The following GTF2E2 variants were observed in gnomAD, a reference collection of about 807,000 sequenced individuals.
GTF2E2 encodes transcription initiation factor IIE subunit beta.
A neutral mutation model predicts 40.5 loss-of-function variants in GTF2E2; 21 were observed. The observed-to-expected ratio is 0.52, with a 90% confidence interval of 0.37 to 0.75. GTF2E2 has a LOEUF of 0.75. Among genes scored for constraint, GTF2E2 ranks in the 30% least tolerant of loss-of-function variants. The probability of loss-of-function intolerance (pLI) is 0.00; values close to 1 mark genes in which losing one functional copy is unlikely to be tolerated. For missense variants in GTF2E2, 298 were observed against 338.4 expected, an observed-to-expected ratio of 0.88 and a Z score of 0.94; for synonymous variants, 117 against 121.6, an observed-to-expected ratio of 0.96 and a Z score of 0.25.
intron 6 of GTF2E2, among the ~76,000 whole-genome samples, chr8:30,599,743 G>C (rs1829120015): frequency 6.6e-6 from 1 of 152,046 alleles, no homozygotes; most frequent in African/African-American, 2.4e-5. Flanking sequence ...CCAGTACTTT[G>C]GGAGGCCAAG....
intron 6 of GTF2E2, chr8:30,597,052 C>T (rs969334617): frequency 6.6e-6 from 1 of 152,386 alleles, no homozygotes; most frequent in Admixed American, 6.5e-5. Flanking sequence ...CAGTCCACAG[C>T]TGTTAGCCTC....
chr8:30,607,616 T>C (rs1260833082), intron 5 of GTF2E2, among the ~76,000 whole-genome samples: 2 of 152,212 alleles, frequency 1.3e-5, no homozygotes, highest in Non-Finnish European at 2.9e-5. Context: ...CTTGAGTAGT[T>C]CAATTTTTTA....
intron 6 of GTF2E2, among the ~76,000 whole-genome samples, chr8:30,594,457 C>T (rs1447199417): frequency 6.6e-6 from 1 of 151,302 alleles, no homozygotes; most frequent in East Asian, 2.0e-4. Context: ...AGGGTTTCAC[C>T]ATGTTGGTCA....
chr8:30,645,471 C>T lies in GTF2E2; in HGVS notation c.166+7962G>A, dbSNP rs934491983. 18 of 1,535,510 alleles carry T rather than the reference C, an allele frequency of 1.2e-5. No homozygotes were observed. The Admixed American group carries it at 1.8e-4, about 15-fold the overall frequency. On this transcript the variant is annotated intron_variant, in intron 2 of 7. Coordinates refer to ENST00000355904, the MANE Select transcript of GTF2E2 (RefSeq NM_002095.6). The stretch of plus-strand genomic sequence containing the variant: ...TGGTATCTTTAGTGGTGCTGGCTTT[C>T]CTTTATGAAGTGCTTGACTGCTGCT...
At chr8:30,612,813 C>G (rs537620367) in intron 4 of GTF2E2, among the ~76,000 whole-genome samples, 12 of 152,312 alleles carry the variant, frequency 7.9e-5, no homozygotes, top group Admixed American at 6.5e-4. Flanking sequence ...TCCCAAAGTA[C>G]TGGGATTATA....
intron 2 of GTF2E2, chr8:30,645,446 T>C: frequency 6.5e-7 from 1 of 1,535,654 alleles, no homozygotes. Context: ...ATATTTACAG[T>C]GGTATCTTTA....
chr8:30,611,177 G>C (rs139406643), intron 5 of GTF2E2, among the ~76,000 whole-genome samples: 272 of 152,266 alleles, frequency 1.8e-3, no homozygotes, highest in African/African-American at 6.3e-3. Flanking sequence ...GGCAGACAAG[G>C]TTTGGAGTAA....
At chr8:30,657,893 G>A (rs968314057) in intron 1 of GTF2E2, 80 bp downstream of exon 1, 3 of 152,296 alleles carry the variant, frequency 2.0e-5, no homozygotes, top group African/African-American at 7.2e-5. Flanking sequence ...TCAGCCTCCC[G>A]GGAGGCGGCG....
At chr8:30,624,219 T>C (rs904677165) in intron 3 of GTF2E2, among the ~76,000 whole-genome samples, 7 of 152,304 alleles carry the variant, frequency 4.6e-5, no homozygotes, top group Middle Eastern at 3.4e-3. Flanking sequence ...CAGTTTCAGC[T>C]TTCTACATAT....
chr8:30,637,357 A>C (rs762749460), intron 2 of GTF2E2: 1 of 451,598 alleles, frequency 2.2e-6, no homozygotes, highest in African/African-American at 2.0e-5. Flanking sequence ...TGTGCTTATG[A>C]GACATGATGC....
At chr8:30,613,850 A>G (rs1476578985) in intron 4 of GTF2E2, among the ~76,000 whole-genome samples, 2 of 152,206 alleles carry the variant, frequency 1.3e-5, no homozygotes, top group Non-Finnish European at 2.9e-5. Context: ...TTTAAATGCT[A>G]TTCATTTCCA....
At chr8:30,635,159 T>G (rs745368168) in intron 2 of GTF2E2, 36 bp from the exon 3 acceptor site, 1 of 1,121,432 alleles carries the variant, frequency 8.9e-7, no homozygotes. Context: ...CGTCATATTA[T>G]GTGTGATTAT....
At chr8:30,617,663 C>T (rs893181829) in intron 3 of GTF2E2, among the ~76,000 whole-genome samples, 1 of 151,604 alleles carries the variant, frequency 6.6e-6, no homozygotes, top group African/African-American at 2.4e-5. Context: ...GTAACGACTG[C>T]TTGAGCCCAG....
intron 1 of GTF2E2, among the ~76,000 whole-genome samples, chr8:30,656,111 G>A (rs1007292831): frequency 6.6e-6 from 1 of 152,064 alleles, no homozygotes; most frequent in Non-Finnish European, 1.5e-5. Context: ...ACCGCACCCG[G>A]CCTCAGTTTC....
At chr8:30,598,855 T>C (rs1424394225) in intron 6 of GTF2E2, among the ~76,000 whole-genome samples, 1 of 152,184 alleles carries the variant, frequency 6.6e-6, no homozygotes, top group East Asian at 1.9e-4. Flanking sequence ...AGAAAATGAA[T>C]TTTTAAAACA....
At chr8:30,627,632 C>A (rs1193094062) in intron 3 of GTF2E2, among the ~76,000 whole-genome samples, 1 of 152,022 alleles carries the variant, frequency 6.6e-6, no homozygotes, top group Admixed American at 6.6e-5. Context: ...AGTTTAAGAC[C>A]AGCCTGGCAA....
At chr8:30,627,949 A>C (rs1271512240) in intron 3 of GTF2E2, among the ~76,000 whole-genome samples, 14 of 152,242 alleles carry the variant, frequency 9.2e-5, no homozygotes, top group Non-Finnish European at 4.4e-5. Context: ...TTAGAAAAAA[A>C]TGTTTTGACT....
chr8:30,633,895 C>T (rs887549902), intron 3 of GTF2E2, among the ~76,000 whole-genome samples: 1 of 152,188 alleles, frequency 6.6e-6, no homozygotes, highest in African/African-American at 2.4e-5. Context: ...AACCCAAATA[C>T]AAACCACAGA....
chr8:30,589,803 A>C (rs1046607327), intron 6 of GTF2E2, among the ~76,000 whole-genome samples: 2 of 152,154 alleles, frequency 1.3e-5, no homozygotes, highest in Non-Finnish European at 2.9e-5. Flanking sequence ...TGAAATCTAC[A>C]CTGAGCAATT....
Sources: allele counts gnomAD v4.1 joint callset (sites outside exome capture counted in the v4.1 genomes callset), GRCh38; gene constraint gnomAD v4.1.1; transcripts MANE v1.5; gene names NCBI Gene and HGNC (gene_info 2026-07-23, HGNC 2026-07-21).